Variants in DGKG observed in about 807,000 individuals in gnomAD.
The protein encoded by DGKG is diacylglycerol kinase gamma.
In DGKG, 78 loss-of-function variants were observed where a neutral mutation model predicts 105.3. That is an observed-to-expected ratio of 0.74 (90% CI 0.62 to 0.89). DGKG has a LOEUF of 0.89. Among genes scored for constraint, DGKG ranks in the 40% least tolerant of loss-of-function variants. The pLI is 0.00. For missense variants in DGKG, 958 were observed against 1,020.1 expected, an observed-to-expected ratio of 0.94 and a Z score of 0.83; for synonymous variants, 346 against 367.1, an observed-to-expected ratio of 0.94 and a Z score of 0.66.
Position 186,164,997 on chromosome 3 carries a change from TCAAGGAG to T in DGKG, c.2110_2116del (p.Leu704LysfsTer5). The T allele has an allele frequency of 1.2e-6, 2 of 1,613,766 alleles. No individual in the cohort carries two copies. The highest frequency in any genetic ancestry group is 1.7e-6 in the Non-Finnish European group (2 of 1,179,914). The stretch of plus-strand genomic sequence containing the variant: ...CATGGCTCCTTCTAGCCCCACCACT[TCAAGGAG>T]CTGGTCACTGAGGTCTGCAGAGCGA... On this transcript the variant is annotated frameshift_variant, in exon 23 of 25. Coordinates refer to ENST00000265022, the MANE Select transcript of DGKG (RefSeq NM_001346.3). LOFTEE classifies it high-confidence loss of function.
intron 21 of DGKG, among the ~76,000 whole-genome samples, chr3:186,201,790 A>G (rs1247521714): frequency 1.3e-5 from 2 of 152,212 alleles, no homozygotes; most frequent in Non-Finnish European, 2.9e-5. Flanking sequence ...TCAACAAACA[A>G]CTATTGAGGA....
At chr3:186,328,799 G>C (rs530371450) in intron 1 of DGKG, among the ~76,000 whole-genome samples, 1 of 151,956 alleles carries the variant, frequency 6.6e-6, no homozygotes, top group African/African-American at 2.4e-5. Context: ...GGCTGGTCTC[G>C]AACTCCTGAC....
intron 5 of DGKG, 72 bp downstream of exon 5, chr3:186,297,349 G>T: frequency 8.4e-7 from 1 of 1,192,852 alleles, no homozygotes; most frequent in Admixed American, 1.7e-5. Context: ...CTGTTGGTTA[G>T]GTTTCCCCAC....
In DGKG at chr3:186,209,269, T is replaced by A. The variant is rs562584683; in HGVS notation, c.1917+2526A>T. ...GCGCCCACCACCCACACCTGGCTAATTTTTGTACTTTTAGTAGAAACAGTG... is the reference window on the plus strand; with the variant it reads ...GCGCCCACCACCCACACCTGGCTAAATTTTGTACTTTTAGTAGAAACAGTG... On this transcript the variant is annotated intron_variant, in intron 21 of 24. Coordinates refer to ENST00000265022, the MANE Select transcript of DGKG (RefSeq NM_001346.3). 5.3e-5 allele frequency among the ~76,000 whole-genome samples: 8 copies of A among 152,016 alleles called. No homozygotes were observed. The South Asian group carries it at 1.0e-3, about 20-fold the overall frequency.
At chr3:186,312,415 C>G (rs181066942) in intron 2 of DGKG, among the ~76,000 whole-genome samples, 1 of 152,188 alleles carries the variant, frequency 6.6e-6, no homozygotes, top group Non-Finnish European at 1.5e-5. Context: ...GAATAAGATC[C>G]TAAGTGACAC....
intron 2 of DGKG, among the ~76,000 whole-genome samples, chr3:186,314,176 C>T (rs1294752021): frequency 8.9e-4 from 1 of 1,118 alleles, no homozygotes; most frequent in African/African-American, 3.0e-3. Flanking sequence ...CATATCTGCA[C>T]ACACACACAC....
Position 186,320,675 on chromosome 3 carries a change from T to C in DGKG, c.-216A>G. 1.7e-6 allele frequency: 1 copy of C among 574,294 alleles called. No homozygotes were observed. The highest frequency in any genetic ancestry group is 3.2e-5 in the East Asian group (1 of 30,894). The allele number at this position is 574,294 out of a possible 1,614,324, so 35.6% of individuals were successfully genotyped here. ...TCCTTAGGCAACATCCTCCTGTCTG[T>C]ATTCAAGGTAAATTCAGAAGTCCTG... is the stretch of plus-strand genomic sequence containing the variant. On this transcript the variant is annotated 5_prime_UTR_variant, in exon 2 of 25. The change creates a new upstream start codon in the 5' untranslated region. Coordinates refer to ENST00000265022, the MANE Select transcript of DGKG (RefSeq NM_001346.3).
intron 20 of DGKG, among the ~76,000 whole-genome samples, chr3:186,234,199 A>G (rs1720300328): frequency 6.6e-6 from 1 of 152,202 alleles, no homozygotes; most frequent in African/African-American, 2.4e-5. Flanking sequence ...CCTTTTAAAT[A>G]TTTGAGGCCA....
chr3:186,151,518 G>C (rs555048467), intron 24 of DGKG, among the ~76,000 whole-genome samples: 1 of 152,312 alleles, frequency 6.6e-6, no homozygotes, highest in South Asian at 2.1e-4. Context: ...GATGAAAAGG[G>C]AGTGGGTAGA....
chr3:186,338,880 T>C (rs1435129666), intron 1 of DGKG, among the ~76,000 whole-genome samples: 3 of 152,216 alleles, frequency 2.0e-5, no homozygotes, highest in Non-Finnish European at 4.4e-5. Flanking sequence ...ATGTATACTA[T>C]GTATGAACAT....
At chr3:186,168,538 G>A (rs1002534840) in intron 22 of DGKG, among the ~76,000 whole-genome samples, 1 of 152,174 alleles carries the variant, frequency 6.6e-6, no homozygotes, top group Admixed American at 6.5e-5. Flanking sequence ...AAAATCCTCA[G>A]TGGCACTCAT....
chr3:186,242,569 C>T lies in DGKG; in HGVS notation c.1762-1G>A. On this transcript the variant is annotated splice_acceptor_variant, in intron 19 of 24. Transcript: ENST00000265022. LOFTEE classifies it high-confidence loss of function. ...GGAATCTGTGTGCAATGGAAGCGTC[C>T]TGAAAGTGAAAGAGACAAAGCAGAT... 1 of 1,613,228 alleles carries T rather than the reference C, an allele frequency of 6.2e-7. No homozygotes were observed. The highest frequency in any genetic ancestry group is 8.5e-7 in the Non-Finnish European group (1 of 1,179,372).
intron 20 of DGKG, among the ~76,000 whole-genome samples, chr3:186,222,740 A>G (rs1262135778): frequency 1.3e-5 from 2 of 151,652 alleles, no homozygotes; most frequent in African/African-American, 4.8e-5. Flanking sequence ...GCAATTTGGG[A>G]GGCTGAGGCG....
chr3:186,149,020 A>T lies in DGKG; in HGVS notation c.*1070T>A. On this transcript the variant is annotated 3_prime_UTR_variant, in exon 25 of 25. Coordinates refer to ENST00000265022, the MANE Select transcript of DGKG (RefSeq NM_001346.3). ...TATATATATACACGCACACACACAC[A>T]CACACGCGCGCACACACGTTAAGAC... The T allele has an allele frequency of 1.0e-6, 1 of 978,958 alleles. No homozygotes were observed. The highest frequency in any genetic ancestry group is 1.2e-6 in the Non-Finnish European group (1 of 825,978). 60.6% of individuals were successfully genotyped at this position (978,958 alleles called of 1,614,324 possible).
At chr3:186,352,512 C>G (rs1308700013) in intron 1 of DGKG, among the ~76,000 whole-genome samples, 1 of 152,216 alleles carries the variant, frequency 6.6e-6, no homozygotes, top group East Asian at 1.9e-4. Context: ...ACATCTCCAT[C>G]TGGATCTCTC....
intron 24 of DGKG, chr3:186,161,303 C>T (rs931558682): frequency 5.8e-5 from 70 of 1,197,548 alleles, no homozygotes; most frequent in Non-Finnish European, 7.0e-5. Flanking sequence ...TGAGGCTGTC[C>T]AGGATACAGT....
chr3:186,181,225 G>A (rs1001815811), intron 22 of DGKG, among the ~76,000 whole-genome samples: 5 of 152,180 alleles, frequency 3.3e-5, no homozygotes, highest in Non-Finnish European at 7.3e-5. Flanking sequence ...TTTGTTTTTG[G>A]TTTTGTTCAC....
Position 186,295,638 on chromosome 3 carries a change from TAAAAAAA to T in DGKG, c.373+1776_373+1782del, listed in dbSNP as rs34829528. On this transcript the variant is annotated intron_variant, in intron 5 of 24. Coordinates refer to ENST00000265022, the MANE Select transcript of DGKG (RefSeq NM_001346.3). The stretch of plus-strand genomic sequence containing the variant: ...TTTTCAATAAAATGATAATGCACAG[TAAAAAAA>T]AAAAAAAAAAAAAAAGGTCTGACTC... 3.8e-3 allele frequency among the ~76,000 whole-genome samples: 320 copies of T among 84,510 alleles called. 2 individuals are homozygous for T. The highest frequency in any genetic ancestry group is 0.015 in the African/African-American group (297 of 19,994). The allele number at this position is 84,510 out of a possible 152,430, so 55.4% of individuals were successfully genotyped here. A position where few individuals can be genotyped will look rare whatever the true frequency, so the allele number is the denominator to read the frequency against.
intron 1 of DGKG, among the ~76,000 whole-genome samples, chr3:186,323,296 C>A (rs1201897089): frequency 6.6e-6 from 1 of 152,202 alleles, no homozygotes; most frequent in East Asian, 1.9e-4. Context: ...GCATTGCAAC[C>A]ACTGTCACCG....
Sources: gnomAD v4.1 joint callset for allele counts (sites outside exome capture counted in the v4.1 genomes callset) on GRCh38, gnomAD v4.1.1 for gene constraint, MANE v1.5 for transcripts, NCBI Gene and HGNC (gene_info 2026-07-23, HGNC 2026-07-21) for gene names.